HDAC5: variants seen among roughly 807,000 people sequenced by gnomAD.
HDAC5 encodes antigen NY-CO-9.
In HDAC5, 25 loss-of-function variants were observed where a neutral mutation model predicts 133.3. That is an observed-to-expected ratio of 0.19 (90% CI 0.14 to 0.26). HDAC5 has a LOEUF of 0.26. HDAC5 is among the 10% of genes least tolerant of loss of function. The pLI, the probability that HDAC5 is intolerant of heterozygous loss-of-function variation, is 1.00. For missense variants in HDAC5, 1,041 were observed against 1,460.5 expected (o/e 0.71, Z 4.68); for synonymous variants, 589 against 610.8 (o/e 0.96, Z 0.53).
intron 3 of HDAC5, among the ~76,000 whole-genome samples, chr17:44,101,410 C>CAAAAA (rs35671008): frequency 1.5e-4 from 10 of 66,734 alleles, no homozygotes; most frequent in East Asian, 4.4e-4. Context: ...GACTCCGTCT[C>CAAAAA]AAAAAAAAAA....
chr17:44,087,363 A>G (rs770503334), intron 13 of HDAC5, 49 bp downstream of exon 13: 11 of 723,492 alleles, frequency 1.5e-5, no homozygotes, highest in East Asian at 2.5e-5. Context: ...AGGGGTGGAG[A>G]AGGACAGAGG....
rs548340382 is a variant in HDAC5 at position 44,117,073 on chromosome 17, C to T, written c.22+421G>A. On this transcript the variant is annotated intron_variant, in intron 2 of 26. Coordinates refer to ENST00000682912, the MANE Select transcript of HDAC5 (RefSeq NM_005474.5). This position sits in a 1 kb window ranked among gnomAD's most constrained non-coding sequence, Gnocchi z 4.2. ...AAAAAAGTATGGAACACAAACATTC[C>T]ACTAAGTAAAGAAGCCACCATCACG... Among the ~76,000 whole-genome samples, 1 of 152,334 alleles carries T rather than the reference C, an allele frequency of 6.6e-6. No homozygotes were observed. Among genetic ancestry groups the T allele is most frequent in the East Asian group, 1.9e-4 (1 of 5,186 alleles).
At chr17:44,108,223 G>T (rs779006506) in intron 3 of HDAC5, among the ~76,000 whole-genome samples, 39 of 152,184 alleles carry the variant, frequency 2.6e-4, no homozygotes, top group Non-Finnish European at 5.3e-4. Context: ...CTGTCCTTCG[G>T]TAGGCTAAGG....
At chr17:44,089,524 C>T (rs1278369254) in intron 11 of HDAC5, among the ~76,000 whole-genome samples, 3 of 152,042 alleles carry the variant, frequency 2.0e-5, no homozygotes, top group Admixed American at 6.5e-5. Flanking sequence ...GCGGGTGGAC[C>T]ATCTGAGGTC....
Position 44,086,751 on chromosome 17 carries a change from T to C in HDAC5, c.1885-14A>G. 1.6e-6 allele frequency: 2 copies of C among 1,288,310 alleles called. No individual in the cohort carries two copies. The highest frequency in any genetic ancestry group is 9.9e-7 in the Non-Finnish European group (1 of 1,011,844). 79.8% of individuals were successfully genotyped at this position (1,288,310 alleles called of 1,614,324 possible). ...ATCTGAGAACAGCTGGAGGGGAGAA[T>C]GGGAGGGGGCCTGGGTCAGACTCAG... On this transcript the variant is annotated splice_polypyrimidine_tract_variant and intron_variant, in intron 13 of 26. Coordinates refer to ENST00000682912, the MANE Select transcript of HDAC5 (RefSeq NM_005474.5).
In HDAC5 at chr17:44,123,566, G is replaced by A; in HGVS notation, c.-252C>T. ...GGCAGCAGCGGCGGCGGCAGCGGCG[G>A]CAGCACCTCCTCGACGGCTCCTCCA... On this transcript the variant is annotated 5_prime_UTR_variant, in exon 1 of 27. Transcript: ENST00000682912. 2.5e-6 allele frequency: 1 copy of A among 402,648 alleles called. No individual in the cohort carries two copies. The highest frequency in any genetic ancestry group is 3.5e-5 in the East Asian group (1 of 28,186). 24.9% of individuals were successfully genotyped at this position (402,648 alleles called of 1,614,324 possible).
rs184347673 is a variant in HDAC5, at chr17:44,102,963, G to A, written c.94+7766C>T. On this transcript the variant is annotated intron_variant, in intron 3 of 26. Transcript: ENST00000682912. ...ATTACAGGCTTGAGCTACCGCCCCC[G>A]GCCCAGGTTCCCTTTATTTAAGAGA... Among the ~76,000 whole-genome samples the A allele has an allele frequency of 5.9e-5, 9 of 152,154 alleles. No individual in the cohort carries two copies. The East Asian group carries it at 7.7e-4, about 13-fold the overall frequency.
intron 11 of HDAC5, 112 bp from the exon 12 acceptor site, chr17:44,088,710 C>G: frequency 1.4e-6 from 2 of 1,446,126 alleles, no homozygotes; most frequent in Non-Finnish European, 1.8e-6. Context: ...CACCTATATA[C>G]TCAGGAAAAA....
At chr17:44,101,817 A>G (rs1304930083) in intron 3 of HDAC5, among the ~76,000 whole-genome samples, 4 of 149,624 alleles carry the variant, frequency 2.7e-5, no homozygotes, top group Non-Finnish European at 5.9e-5. Context: ...GGGATGTCCT[A>G]TGTGCTCAGT....
Position 44,092,373 on chromosome 17 carries a change from G to A in HDAC5, c.919+8C>T. 1 of 1,612,288 alleles carries A rather than the reference G, an allele frequency of 6.2e-7. No homozygotes were observed. The highest frequency in any genetic ancestry group is 8.5e-7 in the Non-Finnish European group (1 of 1,178,564). On this transcript the variant is annotated splice_region_variant and intron_variant, in intron 8 of 26. Transcript: ENST00000682912. Reference sequence around the variant, plus strand: ...CCCTCAGAACAGGTACATGAGAGCAGCCCTTACCCCCAGGCCCGGCACCTG... The same window carrying A: ...CCCTCAGAACAGGTACATGAGAGCAACCCTTACCCCCAGGCCCGGCACCTG...
rs771267757 is a variant in HDAC5, at chr17:44,093,159, A to T, written c.574T>A (p.Leu192Met). 6.2e-7 allele frequency: 1 copy of T among 1,613,876 alleles called. No homozygotes were observed. Among genetic ancestry groups the T allele is most frequent in the South Asian group, 1.1e-5 (1 of 91,036 alleles). The change falls in exon 6 of 27, where the codon TTG (leucine) becomes ATG (methionine). Residue 192 changes from leucine (L) to methionine (M), a missense_variant. Around this residue, in one of 9 missense-constraint regions of HDAC5, gnomAD observed 109 missense variants for 168.0 expected, o/e 0.65. Coordinates refer to ENST00000682912, the MANE Select transcript of HDAC5 (RefSeq NM_005474.5). The stretch of plus-strand genomic sequence containing the variant: ...GGTGTGGGCTCCTTTGACTTCGACA[A>T]GAGGAATTCCTGGAGCCTCAGCTTT... ...EVKLRLQEFL[L>M]SKSKEPTPGG...
Position 44,087,585 on chromosome 17 carries a change from T to C in HDAC5, c.1711A>G (p.Met571Val), listed in dbSNP as rs1309364577. ...CTCTCTGTGGAGCCCTCCCGGGGCATGGTCAGGGCTCCCTCCCCCAGCAAG... is the reference window on the plus strand; with the variant it reads ...CTCTCTGTGGAGCCCTCCCGGGGCACGGTCAGGGCTCCCTCCCCCAGCAAG... The part of the protein sequence containing the change: ...EVLLGEGALT[M>V]PREGSTESES... The change falls in exon 13 of 27, where the codon ATG becomes GTG. Residue 571 changes from methionine (M) to valine (V), a missense_variant. Met to Val is a conservative substitution (Grantham distance 21). This residue lies in a region of HDAC5 where 433 missense variants were observed against 531.6 expected (regional missense o/e 0.81). Coordinates refer to ENST00000682912, the MANE Select transcript of HDAC5 (RefSeq NM_005474.5). The C allele has an allele frequency of 1.2e-6, 2 of 1,614,122 alleles. No homozygotes were observed. Among genetic ancestry groups the C allele is most frequent in the Non-Finnish European group, 1.7e-6 (2 of 1,179,984 alleles).
intron 20 of HDAC5, chr17:44,082,144 AC>A (rs2050423206): frequency 6.2e-6 from 1 of 160,738 alleles, no homozygotes. Context: ...TGGGTAAGTC[AC>A]GCAACAACAC....
Position 44,110,763 on chromosome 17 carries a change from C to G in HDAC5, c.60G>C (p.Leu20=). The G allele has an allele frequency of 6.2e-7, 1 of 1,614,026 alleles. No homozygotes were observed. Among genetic ancestry groups the G allele is most frequent in the Non-Finnish European group, 8.5e-7 (1 of 1,179,956 alleles). ...GGATGCTGTGCAGAGAAGTCCGCGG[C>G]AGGATTTCCAAGGATGGTTCCCGAC... The part of the protein sequence containing the change: ...MSGREPSLEI[L]PRTSLHSIPV... The change falls in exon 3 of 27, where the codon CTG becomes CTC. Residue 20 remains leucine, a synonymous_variant. Transcript: ENST00000682912.
intron 1 of HDAC5, among the ~76,000 whole-genome samples, chr17:44,121,442 C>G (rs560132192): frequency 8.5e-4 from 120 of 140,920 alleles, no homozygotes; most frequent in South Asian, 4.1e-3. Flanking sequence ...CCTTCCCCCC[C>G]CTACTGCCAC....
chr17:44,110,655 T>A, intron 3 of HDAC5, 74 bp downstream of exon 3: 2 of 1,209,290 alleles, frequency 1.7e-6, no homozygotes, highest in Non-Finnish European at 2.4e-6. Flanking sequence ...TGTGCAAGGC[T>A]CAGGGCCAGA....
chr17:44,094,649 A>C (rs569717985), intron 3 of HDAC5, among the ~76,000 whole-genome samples: 1 of 152,192 alleles, frequency 6.6e-6, no homozygotes, highest in African/African-American at 2.4e-5. Flanking sequence ...AAAAATAAAG[A>C]AAATGTGCAT....
rs1321202194 is a variant in HDAC5, at chr17:44,087,583, C to A, written c.1713G>T (p.Met571Ile). ...EVLLGEGALT[M>I]PREGSTESES... ...CACTCTCTGTGGAGCCCTCCCGGGG[C>A]ATGGTCAGGGCTCCCTCCCCCAGCA... Residue 571 changes from methionine (M) to isoleucine (I), a missense_variant, in exon 13 of 27, where the codon ATG becomes ATT. Physicochemically the swap from Met to Ile is conservative, Grantham distance 10. Coordinates refer to ENST00000682912, the MANE Select transcript of HDAC5 (RefSeq NM_005474.5). The A allele has an allele frequency of 6.2e-7, 1 of 1,614,006 alleles. No homozygotes were observed. The highest frequency in any genetic ancestry group is 8.5e-7 in the Non-Finnish European group (1 of 1,180,006).
intron 3 of HDAC5, among the ~76,000 whole-genome samples, chr17:44,108,344 C>A (rs907127163): frequency 1.1e-4 from 17 of 152,160 alleles, no homozygotes; most frequent in African/African-American, 3.9e-4. Flanking sequence ...CTCCAGCCCT[C>A]CCCATGCGAC....
Sources: allele counts gnomAD v4.1 joint callset (sites outside exome capture counted in the v4.1 genomes callset), GRCh38; gene constraint gnomAD v4.1.1; regional missense constraint gnomAD v4.1.1; non-coding constraint Gnocchi (gnomAD v3.1); transcripts MANE v1.5; gene names NCBI Gene and HGNC (gene_info 2026-07-23, HGNC 2026-07-21).